Variants in CYP11B1 observed in about 807,000 individuals in gnomAD.
CYP11B1 encodes the protein cytochrome P450 family 11 subfamily B member 1, also known as cytochrome P450 11B1, mitochondrial.
CYP11B1 carries 34 observed loss-of-function variants against 48.3 expected under a neutral mutation model. That is an observed-to-expected ratio of 0.70 (90% CI 0.54 to 0.94). The LOEUF (loss-of-function observed/expected upper bound fraction) is 0.94. Ranked by LOEUF, CYP11B1 falls within the 40% of genes least tolerant of loss-of-function variation. The pLI, the probability that CYP11B1 is intolerant of heterozygous loss-of-function variation, is 0.00. For missense variants in CYP11B1, 688 were observed against 657.4 expected, an observed-to-expected ratio of 1.05 and a Z score of -0.51; for synonymous variants, 291 against 262.5, an observed-to-expected ratio of 1.11 and a Z score of -1.05.
Position 142,876,784 on chromosome 8 carries a change from A to C in CYP11B1, c.697T>G (p.Ser233Ala). The C allele has an allele frequency of 6.2e-7, 1 of 1,614,134 alleles. No homozygotes were observed. The highest frequency in any genetic ancestry group is 8.5e-7 in the Non-Finnish European group (1 of 1,180,020). ...GGCATGAACATGAGCTGGACGGTGG[A>C]TTTGAACATGACCTCCAGGGCATGG... is the stretch of plus-strand genomic sequence containing the variant. Reference protein sequence around the residue: ...FLHALEVMFKSTVQLMFMPRS... With the variant: ...FLHALEVMFKATVQLMFMPRS... Residue 233 changes from serine (S) to alanine (A), a missense_variant, in exon 4 of 9, where the codon TCC becomes GCC. Transcript: ENST00000292427.
chr8:142,879,050 T>C lies in CYP11B1; in HGVS notation c.377A>G (p.Lys126Arg). The part of the protein sequence containing the change: ...WVAYRQHRGH[K>R]CGVFLLNGPE... ...CGCTTACAGCAAGAACACGCCACATTTGTGCCCACGATGTTGTCTGTAGGC... is the reference window on the plus strand; with the variant it reads ...CGCTTACAGCAAGAACACGCCACATCTGTGCCCACGATGTTGTCTGTAGGC... The change falls in exon 2 of 9, where the codon AAA becomes AGA. Residue 126 changes from lysine to arginine, a missense_variant. Coordinates refer to ENST00000292427, the MANE Select transcript of CYP11B1 (RefSeq NM_000497.4). 1 of 1,614,138 alleles carries C rather than the reference T, an allele frequency of 6.2e-7. No homozygotes were observed. The highest frequency in any genetic ancestry group is 2.2e-5 in the East Asian group (1 of 44,872).
chr8:142,879,725 C>G lies in CYP11B1; in HGVS notation c.89G>C (p.Arg30Pro). The G allele has an allele frequency of 6.2e-7, 1 of 1,614,224 alleles. No individual in the cohort carries two copies. The highest frequency in any genetic ancestry group is 1.1e-5 in the South Asian group (1 of 91,090). Reference sequence around the variant, plus strand: ...AAAGGGCAGCACTGTCCTGGGGACCCGGGCGGCTCTCGTGCCCAGTGCCTG... The same window carrying G: ...AAAGGGCAGCACTGTCCTGGGGACCGGGGCGGCTCTCGTGCCCAGTGCCTG... ...RAQALGTRAA[R>P]VPRTVLPFEA... The change falls in exon 1 of 9, where the codon CGG becomes CCG. Residue 30 changes from arginine to proline, a missense_variant. Coordinates refer to ENST00000292427, the MANE Select transcript of CYP11B1 (RefSeq NM_000497.4).
rs757779010 is a variant in CYP11B1 at position 142,876,895 on chromosome 8, G to A, written c.596-10C>T. 1.2e-6 allele frequency: 2 copies of A among 1,614,140 alleles called. No individual in the cohort carries two copies. Among genetic ancestry groups the A allele is most frequent in the Non-Finnish European group, 1.7e-6 (2 of 1,180,010 alleles). On this transcript the variant is annotated splice_polypyrimidine_tract_variant and intron_variant, in intron 3 of 8. Transcript: ENST00000292427. ...AGAGCCAAGTTGCTGGCTGCGGGGA[G>A]GATGCACTGCTGAGCACAAGGCAGC...
At position 142,875,841 on chromosome 8, in the gene CYP11B1, G is replaced by C. The variant is rs1326688256; in HGVS notation, c.992C>G (p.Ala331Gly). 6.2e-7 allele frequency: 1 copy of C among 1,614,164 alleles called. No homozygotes were observed. ...GGCCTGCTGCACGTTGGGGTTCCGA[G>C]CCAGCTCAAAGAGCGTCATCAGCAA... ...FPLLMTLFEL[A>G]RNPNVQQALR... Residue 331 changes from alanine to glycine, a missense_variant, in exon 6 of 9, where the codon GCT (alanine) becomes GGT (glycine). Coordinates refer to ENST00000292427, the MANE Select transcript of CYP11B1 (RefSeq NM_000497.4).
chr8:142,874,046 G>A lies in CYP11B1; in HGVS notation c.*327C>T. On this transcript the variant is annotated 3_prime_UTR_variant, in exon 9 of 9. Transcript: ENST00000292427. ...CAGGAAGGCAAGGGACAAAACCACA[G>A]CACCCTTGTATGGCCACACGAGGAG... 4.7e-6 allele frequency: 2 copies of A among 427,232 alleles called. No individual in the cohort carries two copies. The highest frequency in any genetic ancestry group is 8.8e-6 in the Non-Finnish European group (2 of 228,412). 26.5% of individuals were successfully genotyped at this position (427,232 alleles called of 1,614,324 possible).
intron 1 of CYP11B1, 192 bp downstream of exon 1, chr8:142,879,383 T>A (rs1030616953): frequency 1.2e-5 from 19 of 1,610,840 alleles, no homozygotes; most frequent in Non-Finnish European, 1.6e-5. Context: ...TGCAGCGAGC[T>A]GGGATTTGCT....
rs1817080507 is a variant in CYP11B1 at position 142,879,568 on chromosome 8, G to T, written c.239+7C>A. The T allele has an allele frequency of 6.2e-7, 1 of 1,614,224 alleles. No homozygotes were observed. The highest frequency in any genetic ancestry group is 1.1e-5 in the South Asian group (1 of 91,086). On this transcript the variant is annotated splice_region_variant and intron_variant, in intron 1 of 8. Coordinates refer to ENST00000292427, the MANE Select transcript of CYP11B1 (RefSeq NM_000497.4). Reference sequence around the variant, plus strand: ...GTGTTCCCAGCGAGGGCCAGGGAGGGCTTTACCTGAAAATGGGCCCTAGTT... The same window carrying T: ...GTGTTCCCAGCGAGGGCCAGGGAGGTCTTTACCTGAAAATGGGCCCTAGTT...
At position 142,873,778 on chromosome 8, in the gene CYP11B1, T is replaced by G. The variant is rs1268330588; in HGVS notation, c.*595A>C. On this transcript the variant is annotated 3_prime_UTR_variant, in exon 9 of 9. Transcript: ENST00000292427. ...ACACACGTCCCTCGAGACTCAGTTGTATCACTTGAAAATGGGGATGTCAGG... is the reference window on the plus strand; with the variant it reads ...ACACACGTCCCTCGAGACTCAGTTGGATCACTTGAAAATGGGGATGTCAGG... The G allele has an allele frequency of 6.0e-6, 1 of 167,636 alleles. No homozygotes were observed. Among genetic ancestry groups the G allele is most frequent in the African/African-American group, 2.4e-5 (1 of 41,878 alleles). 10.4% of individuals were successfully genotyped at this position (167,636 alleles called of 1,614,324 possible).
At chr8:142,876,486 A>G (rs1035880476) in intron 4 of CYP11B1, 91 bp from the exon 5 acceptor site, 50 of 1,541,352 alleles carry the variant, frequency 3.2e-5, no homozygotes, top group Non-Finnish European at 4.2e-5. Flanking sequence ...CCGACACCCA[A>G]GTCTCCCTGC....
Position 142,875,734 on chromosome 8 carries a change from C to T in CYP11B1, c.1099G>A (p.Ala367Thr), listed in dbSNP as rs746117732. The change falls in exon 6 of 9, where the codon GCG becomes ACG. Residue 367 changes from alanine to threonine, a missense_variant. Transcript: ENST00000292427. ...CACCGCAAGGTCTCCTTGAGGGCCG[C>T]ACGCAGCAAGGGCAGCTCGGTGGTT... ...KATTELPLLR[A>T]ALKETLRLYP... is the part of the protein sequence containing the mutation. 1.2e-5 allele frequency: 20 copies of T among 1,613,900 alleles called. 1 individual carries two copies. In the South Asian group the frequency reaches 2.2e-4, roughly 18 times the overall value.
At chr8:142,874,776 C>T (rs1471180658) in intron 8 of CYP11B1, among the ~76,000 whole-genome samples, 181 bp downstream of exon 8, 1 of 152,074 alleles carries the variant, frequency 6.6e-6, no homozygotes, top group African/African-American at 2.4e-5. Context: ...CTCACCATAC[C>T]AACTCCTGCC....
Position 142,875,217 on chromosome 8 carries a change from G to C in CYP11B1, c.1200+17C>G, listed in dbSNP as rs1397019577. 3.1e-6 allele frequency: 5 copies of C among 1,614,020 alleles called. No individual in the cohort carries two copies. The highest frequency in any genetic ancestry group is 4.2e-6 in the Non-Finnish European group (5 of 1,179,996). ...GGGAGGGAGGTTCTCAGCTCGAGGG[G>C]TGTGGGGCTCACTCACCCCAGCTGG... On this transcript the variant is annotated intron_variant, in intron 7 of 8. Transcript: ENST00000292427.
At chr8:142,876,150 G>A in intron 5 of CYP11B1, 91 bp downstream of exon 5, 1 of 1,543,790 alleles carries the variant, frequency 6.5e-7, no homozygotes, top group Non-Finnish European at 8.9e-7. Context: ...CTGGGGATGG[G>A]ACACGTGGGC....
In CYP11B1 at chr8:142,876,848, C is replaced by A. The variant is rs778879239; in HGVS notation, c.633G>T (p.Leu211=). The part of the protein sequence containing the change: ...NLALFGERLG[L]VGHSPSSASL... ...TGGCAGAACTGGGGCTGTGGCCAAC[C>A]AGGCCCAGCCGCTCTCCAAAAAGAG... The change falls in exon 4 of 9, where the codon CTG becomes CTT. Residue 211 remains leucine (L), a synonymous_variant. Transcript: ENST00000292427. 6.2e-7 allele frequency: 1 copy of A among 1,614,078 alleles called. No individual in the cohort carries two copies. The highest frequency in any genetic ancestry group is 8.5e-7 in the Non-Finnish European group (1 of 1,180,010).
Position 142,875,437 on chromosome 8 carries a change from T to C in CYP11B1, c.1122-125A>G. 3 of 1,298,820 alleles carry C rather than the reference T, an allele frequency of 2.3e-6. No individual in the cohort carries two copies. The South Asian group carries it at 3.8e-5, about 17-fold the overall frequency. 80.5% of individuals were successfully genotyped at this position (1,298,820 alleles called of 1,614,324 possible). ...CATGGGAAGCCCAGGTCGTAGGAAG[T>C]GCTTCCTTGCACCTGCTGAGCCCGG... On this transcript the variant is annotated intron_variant, in intron 6 of 8. Transcript: ENST00000292427.
At chr8:142,875,414 T>C in intron 6 of CYP11B1, 102 bp from the exon 7 acceptor site, 1 of 1,381,002 alleles carries the variant, frequency 7.2e-7, no homozygotes, top group Non-Finnish European at 1.0e-6. Flanking sequence ...CCCAGATCCA[T>C]GGGAAGCCCA....
At chr8:142,877,265 A>G (rs1421527555) in intron 2 of CYP11B1, 43 bp from the exon 3 acceptor site, 1 of 1,544,154 alleles carries the variant, frequency 6.5e-7, no homozygotes, top group South Asian at 1.2e-5. Context: ...CCCCAGCAAG[A>G]CACAGGCCCT....
chr8:142,876,409 G>C lies in CYP11B1; in HGVS notation c.800-14C>G, dbSNP rs4535. 16 of 1,610,924 alleles carry C rather than the reference G, an allele frequency of 9.9e-6. No individual in the cohort carries two copies. The highest frequency in any genetic ancestry group is 1.4e-5 in the Non-Finnish European group (16 of 1,178,520). On this transcript the variant is annotated splice_polypyrimidine_tract_variant and intron_variant, in intron 4 of 8. Transcript: ENST00000292427. ...TACAGTTGTCGCCTATCCGGGGAGC[G>C]GGAGGCAGCCCTCAGACTTTGGTGC...
intron 8 of CYP11B1, 44 bp downstream of exon 8, chr8:142,874,913 G>T: frequency 1.2e-6 from 2 of 1,607,460 alleles, no homozygotes; most frequent in East Asian, 4.5e-5. Flanking sequence ...CGCCCATGCT[G>T]CCCAGACCCC....
Sources: allele counts gnomAD v4.1 joint callset (sites outside exome capture counted in the v4.1 genomes callset), GRCh38; gene constraint gnomAD v4.1.1; transcripts MANE v1.5; gene names NCBI Gene and HGNC (gene_info 2026-07-23, HGNC 2026-07-21).